ZFPM2: variants seen among roughly 807,000 people sequenced by gnomAD.
ZFPM2 encodes zinc finger protein ZFPM2.
ZFPM2 carries 20 observed loss-of-function variants against 98.6 expected under a neutral mutation model. The observed-to-expected ratio is 0.20, with a 90% CI of 0.14 to 0.29. The LOEUF is 0.29. Ranked by LOEUF, ZFPM2 falls within the 10% of genes least tolerant of loss-of-function variation. The pLI is 1.00. For synonymous variants in ZFPM2, 518 were observed against 502.7 expected (o/e 1.03, Z -0.41); for missense variants, 1,310 against 1,388.6 (o/e 0.94, Z 0.90).
At chr8:105,471,567 T>C (rs1341741133) in intron 3 of ZFPM2, among the ~76,000 whole-genome samples, 1 of 152,162 alleles carries the variant, frequency 6.6e-6, no homozygotes, top group African/African-American at 2.4e-5. Flanking sequence ...CATCAGAATG[T>C]AGATTGTGGC....
At chr8:105,794,016 GT>G (rs1383797094) in intron 6 of ZFPM2, among the ~76,000 whole-genome samples, 1 of 152,016 alleles carries the variant, frequency 6.6e-6, no homozygotes, top group Non-Finnish European at 1.5e-5. Context: ...TTTGCCTTTG[GT>G]TTTAATTTCC....
chr8:105,346,980 G>T (rs779437882), intron 1 of ZFPM2, among the ~76,000 whole-genome samples: 2 of 152,158 alleles, frequency 1.3e-5, no homozygotes, highest in Non-Finnish European at 2.9e-5. Context: ...ACCAGATGTA[G>T]CCATAGGTAC....
At chr8:105,438,560 C>CA in intron 2 of ZFPM2, among the ~76,000 whole-genome samples, 1 of 152,096 alleles carries the variant, frequency 6.6e-6, no homozygotes, top group South Asian at 2.1e-4. Flanking sequence ...TTTTTTCTTC[C>CA]AAAAATATGT....
At chr8:105,570,070 G>C (rs1426731988) in intron 4 of ZFPM2, among the ~76,000 whole-genome samples, 2 of 152,074 alleles carry the variant, frequency 1.3e-5, no homozygotes, top group African/African-American at 4.8e-5. Context: ...TTCCTCTTGG[G>C]AAACATTGGT....
intron 1 of ZFPM2, among the ~76,000 whole-genome samples, chr8:105,337,682 G>A (rs954583199): frequency 2.6e-5 from 4 of 151,244 alleles, no homozygotes; most frequent in African/African-American, 9.7e-5. Context: ...TAATGTATTA[G>A]AGCATAGAGA....
intron 3 of ZFPM2, among the ~76,000 whole-genome samples, chr8:105,445,135 A>G (rs1294714467): frequency 6.6e-6 from 1 of 152,228 alleles, no homozygotes; most frequent in Non-Finnish European, 1.5e-5. Flanking sequence ...TTTCATTAAG[A>G]AAGATCCCTA....
intron 3 of ZFPM2, among the ~76,000 whole-genome samples, chr8:105,490,481 C>G (rs115960967): frequency 0.02 from 3,066 of 152,180 alleles, 106 homozygotes; most frequent in African/African-American, 0.07. Context: ...TTGTTTCTTG[C>G]TGTAGCAGAT....
At chr8:105,626,816 C>A (rs1211430954) in intron 4 of ZFPM2, among the ~76,000 whole-genome samples, 1 of 152,154 alleles carries the variant, frequency 6.6e-6, no homozygotes, top group Non-Finnish European at 1.5e-5. Flanking sequence ...ACACCAAAAG[C>A]ATTTTCAACA....
intron 3 of ZFPM2, among the ~76,000 whole-genome samples, chr8:105,511,070 T>C (rs1410974182): frequency 6.6e-6 from 1 of 152,188 alleles, no homozygotes; most frequent in Non-Finnish European, 1.5e-5. Flanking sequence ...TCAGGAATGC[T>C]GTCTCTGGAC....
intron 2 of ZFPM2, among the ~76,000 whole-genome samples, chr8:105,421,688 C>G (rs1341573610): frequency 6.6e-6 from 1 of 152,084 alleles, no homozygotes; most frequent in Middle Eastern, 3.2e-3. Flanking sequence ...TGTTGAAATT[C>G]TCAATTTTTC....
chr8:105,580,760 C>A (rs992282181), intron 4 of ZFPM2, among the ~76,000 whole-genome samples: 2 of 149,568 alleles, frequency 1.3e-5, no homozygotes, highest in African/African-American at 2.5e-5. Context: ...CCTGACATAG[C>A]GTGACTAAGA....
intron 3 of ZFPM2, among the ~76,000 whole-genome samples, chr8:105,544,145 AT>A (rs1409895017): frequency 2.6e-5 from 4 of 152,218 alleles, no homozygotes; most frequent in African/African-American, 7.2e-5. Flanking sequence ...ATAAAATAAA[AT>A]ATTACAAAAT....
intron 5 of ZFPM2, chr8:105,662,312 A>G (rs1172500579): frequency 6.6e-6 from 1 of 152,148 alleles, no homozygotes; most frequent in Non-Finnish European, 1.5e-5. Context: ...TTACATTAAG[A>G]ACAATGAATA....
chr8:105,521,840 G>A (rs1814068594), intron 3 of ZFPM2, among the ~76,000 whole-genome samples: 1 of 152,172 alleles, frequency 6.6e-6, no homozygotes, highest in African/African-American at 2.4e-5. Flanking sequence ...GCCTCCCAAA[G>A]TGCTGGGATT....
At chr8:105,697,509 C>T (rs1167869484) in intron 5 of ZFPM2, among the ~76,000 whole-genome samples, 2 of 152,126 alleles carry the variant, frequency 1.3e-5, no homozygotes, top group African/African-American at 4.8e-5. Context: ...CAAACAGCAT[C>T]AAGAAGTGTA....
chr8:105,617,570 C>T (rs1816446342), intron 4 of ZFPM2, among the ~76,000 whole-genome samples: 1 of 152,138 alleles, frequency 6.6e-6, no homozygotes, highest in African/African-American at 2.4e-5. Context: ...GGCCAGACCG[C>T]CTGCTCAGAT....
At chr8:105,320,662 G>C (rs954184693) in intron 1 of ZFPM2, among the ~76,000 whole-genome samples, 7 of 152,002 alleles carry the variant, frequency 4.6e-5, no homozygotes, top group Admixed American at 1.3e-4. Flanking sequence ...AATATTAATT[G>C]ATTGTATGGC....
Position 105,529,853 on chromosome 8 carries a change from C to A in ZFPM2, c.302-31510C>A, listed in dbSNP as rs577534024. On this transcript the variant is annotated intron_variant, in intron 3 of 7. Coordinates refer to ENST00000407775, the MANE Select transcript of ZFPM2 (RefSeq NM_012082.4). ...TCAAGCAATTCTCCTGCCTCAACTT[C>A]CCGAGTAGCTGGGATTACAGGTGTG... is the stretch of plus-strand genomic sequence containing the variant. Among the ~76,000 whole-genome samples, 6 of 152,116 alleles carry A rather than the reference C, an allele frequency of 3.9e-5. No individual in the cohort carries two copies. The East Asian group carries it at 1.2e-3, about 30-fold the overall frequency.
chr8:105,804,332 T>G lies in ZFPM2; in HGVS notation c.*794T>G, dbSNP rs1287249849. ...GGTAGTATTAATCAGTTTTATCTTT[T>G]GAAAGGCACAGTCTAAATCGAAACC... On this transcript the variant is annotated 3_prime_UTR_variant, in exon 8 of 8. Coordinates refer to ENST00000407775, the MANE Select transcript of ZFPM2 (RefSeq NM_012082.4). 1 of 152,642 alleles carries G rather than the reference T, an allele frequency of 6.6e-6. No homozygotes were observed. Among genetic ancestry groups the G allele is most frequent in the African/African-American group, 2.4e-5 (1 of 41,472 alleles). 9.5% of individuals were successfully genotyped at this position (152,642 alleles called of 1,614,324 possible). A position where few individuals can be genotyped will look rare whatever the true frequency, so the allele number is the denominator to read the frequency against.
Sources: allele counts gnomAD v4.1 joint callset (sites outside exome capture counted in the v4.1 genomes callset), GRCh38; gene constraint gnomAD v4.1.1; transcripts MANE v1.5; gene names NCBI Gene and HGNC (gene_info 2026-07-23, HGNC 2026-07-21).